Variants in GNAZ observed in about 807,000 individuals in gnomAD.
GNAZ encodes guanine nucleotide-binding protein G(z) subunit alpha.
In GNAZ, 3 loss-of-function variants were observed where a neutral mutation model predicts 25.4. The observed-to-expected ratio is 0.12, with a 90% confidence interval of 0.05 to 0.30. The LOEUF (loss-of-function observed/expected upper bound fraction) is 0.30, where lower values mean the gene tolerates loss of function less well. Ranked by LOEUF, GNAZ falls within the 10% of genes least tolerant of loss-of-function variation. The probability of loss-of-function intolerance (pLI) is 1.00; values close to 1 mark genes in which losing one functional copy is unlikely to be tolerated. For missense variants in GNAZ, 241 were observed against 501.8 expected, an observed-to-expected ratio of 0.48 and a Z score of 4.97; for synonymous variants, 211 against 205.7, an observed-to-expected ratio of 1.03 and a Z score of -0.22.
At chr22:23,106,272 G>A (rs931954521) in intron 2 of GNAZ, among the ~76,000 whole-genome samples, 5 of 152,240 alleles carry the variant, frequency 3.3e-5, no homozygotes, top group Admixed American at 2.0e-4. Flanking sequence ...TGAGGGTAAG[G>A]GGGGTGGCGC....
chr22:23,123,600 T>G lies in GNAZ; in HGVS notation c.*169T>G. On this transcript the variant is annotated 3_prime_UTR_variant, in exon 3 of 3. Transcript: ENST00000615612. ...CCACATTTCTGCAAACATAAATATT[T>G]ACGGATAGATTGCTAGGTAGATAGA... is the stretch of plus-strand genomic sequence containing the variant. The G allele has an allele frequency of 1.7e-6, 1 of 600,970 alleles. No homozygotes were observed. The highest frequency in any genetic ancestry group is 3.0e-6 in the Non-Finnish European group (1 of 337,478). The allele number at this position is 600,970 out of a possible 1,614,324, so 37.2% of individuals were successfully genotyped here.
At chr22:23,102,349 T>C (rs1329541678) in intron 2 of GNAZ, among the ~76,000 whole-genome samples, 1 of 152,308 alleles carries the variant, frequency 6.6e-6, no homozygotes, top group East Asian at 1.9e-4. Context: ...TCCTGGCACC[T>C]ATTTGAGGCC....
At chr22:23,090,714 C>T (rs1008237685) in intron 1 of GNAZ, among the ~76,000 whole-genome samples, 1 of 152,182 alleles carries the variant, frequency 6.6e-6, no homozygotes, top group Admixed American at 6.5e-5. Context: ...GAGGCCAGCC[C>T]CACCCACCTT....
chr22:23,097,912 A>G (rs2266996), intron 2 of GNAZ, among the ~76,000 whole-genome samples: 53,414 of 152,214 alleles, frequency 0.35, 10,332 homozygotes, highest in African/African-American at 0.52. Context: ...TTCCCCGGGC[A>G]CCAGGCCTGG....
At chr22:23,094,689 G>A (rs1220088194) in intron 1 of GNAZ, among the ~76,000 whole-genome samples, 2 of 152,248 alleles carry the variant, frequency 1.3e-5, no homozygotes, top group African/African-American at 4.8e-5. Context: ...CCTATCTGCT[G>A]GCTCCTGGGC....
chr22:23,114,479 C>T (rs926798799), intron 2 of GNAZ, among the ~76,000 whole-genome samples: 1 of 152,196 alleles, frequency 6.6e-6, no homozygotes, highest in African/African-American at 2.4e-5. Flanking sequence ...TCCCCTCAGC[C>T]CCCAGAGGTC....
At position 23,097,297 on chromosome 22, in the gene GNAZ, C is replaced by G. The variant is rs1018316731; in HGVS notation, c.723+879C>G. On this transcript the variant is annotated intron_variant, in intron 2 of 2. Transcript: ENST00000615612. ...GGGAGCACTGGCCTCCGAGGTCACT[C>G]CTTGCTTCACCCAGTCCTAAGGCAA... 4.6e-5 allele frequency among the ~76,000 whole-genome samples: 7 copies of G among 152,312 alleles called. No individual in the cohort carries two copies. In the East Asian group the frequency reaches 1.4e-3, roughly 29 times the overall value.
Position 23,124,196 on chromosome 22 carries a change from T to TTG in GNAZ, c.*766_*767insGT, listed in dbSNP as rs1555937759. The stretch of plus-strand genomic sequence containing the variant: ...CTGGTTTTCCTTCTCTGACATTTTT[T>TTG]TTTTGTTTTGTTTTTTGGTTTTTTT... On this transcript the variant is annotated 3_prime_UTR_variant, in exon 3 of 3. Transcript: ENST00000615612. 2.2e-5 allele frequency: 4 copies of TTG among 180,024 alleles called. No individual in the cohort carries two copies. Among genetic ancestry groups the TTG allele is most frequent in the African/African-American group, 1.4e-4 (4 of 28,292 alleles). The allele number at this position is 180,024 out of a possible 1,614,324, so 11.2% of individuals were successfully genotyped here.
At chr22:23,116,941 T>C (rs980191294) in intron 2 of GNAZ, among the ~76,000 whole-genome samples, 7 of 152,140 alleles carry the variant, frequency 4.6e-5, no homozygotes, top group African/African-American at 1.7e-4. Flanking sequence ...ATGCCTCTGT[T>C]CCCTCTCCCA....
intron 2 of GNAZ, among the ~76,000 whole-genome samples, chr22:23,113,187 T>G (rs1428540669): frequency 1.3e-5 from 2 of 152,310 alleles, no homozygotes; most frequent in African/African-American, 4.8e-5. Context: ...AGCTGAGTGT[T>G]CTGACGTTGG....
intron 1 of GNAZ, among the ~76,000 whole-genome samples, chr22:23,075,381 T>A (rs1425902016): frequency 2.6e-5 from 4 of 152,210 alleles, no homozygotes; most frequent in Admixed American, 2.0e-4. Context: ...TCTTGCCCCT[T>A]GGTCTGTGGA....
intron 2 of GNAZ, among the ~76,000 whole-genome samples, chr22:23,103,304 G>C (rs565593324): frequency 2.0e-5 from 3 of 152,296 alleles, no homozygotes; most frequent in African/African-American, 7.2e-5. Flanking sequence ...CCGCCTCCAT[G>C]CCAGTTGTTA....
chr22:23,116,119 G>A (rs979039879), intron 2 of GNAZ, among the ~76,000 whole-genome samples: 2 of 152,258 alleles, frequency 1.3e-5, no homozygotes, highest in Admixed American at 6.5e-5. Flanking sequence ...CTGTGTGTGC[G>A]TTTGCCTGGG....
chr22:23,114,205 C>T (rs893820645), intron 2 of GNAZ, among the ~76,000 whole-genome samples: 2 of 152,146 alleles, frequency 1.3e-5, no homozygotes, highest in Admixed American at 6.5e-5. Flanking sequence ...GTGAATGGAG[C>T]GCATTCATGT....
intron 1 of GNAZ, among the ~76,000 whole-genome samples, chr22:23,080,230 G>C (rs1278331798): frequency 6.6e-6 from 1 of 152,206 alleles, no homozygotes; most frequent in Middle Eastern, 3.2e-3. Context: ...TCCTGAGTCA[G>C]TGTTCCTCAG....
intron 2 of GNAZ, among the ~76,000 whole-genome samples, chr22:23,100,175 A>C (rs1391943653): frequency 6.6e-6 from 1 of 152,222 alleles, no homozygotes; most frequent in South Asian, 2.1e-4. Context: ...TCCCAGCAGC[A>C]CAGGGAACTG....
intron 2 of GNAZ, among the ~76,000 whole-genome samples, chr22:23,099,147 C>T (rs947478048): frequency 1.3e-5 from 2 of 152,254 alleles, no homozygotes; most frequent in African/African-American, 4.8e-5. Context: ...GAGCCACAGC[C>T]CCCCGGCCCA....
intron 2 of GNAZ, among the ~76,000 whole-genome samples, chr22:23,118,369 A>G (rs1386238473): frequency 6.6e-6 from 1 of 152,232 alleles, no homozygotes; most frequent in African/African-American, 2.4e-5. Context: ...AGAAGGCGCC[A>G]TCTTGCTGGT....
At position 23,095,992 on chromosome 22, in the gene GNAZ, C is replaced by T; in HGVS notation, c.297C>T (p.Asp99=). The change falls in exon 2 of 3, where the codon GAC becomes GAT. Residue 99 remains aspartate (D), a synonymous_variant. Transcript: ENST00000615612. ...AALRIDFHNP[D]RAYDAVQLFA... ...TCAGGATCGACTTCCACAACCCCGA[C>T]CGCGCCTACGACGCTGTGCAGCTCT... 1 of 1,609,692 alleles carries T rather than the reference C, an allele frequency of 6.2e-7. No individual in the cohort carries two copies. Among genetic ancestry groups the T allele is most frequent in the Non-Finnish European group, 8.5e-7 (1 of 1,179,998 alleles).
Sources: gnomAD v4.1 joint callset for allele counts (sites outside exome capture counted in the v4.1 genomes callset) on GRCh38, gnomAD v4.1.1 for gene constraint, MANE v1.5 for transcripts, NCBI Gene and HGNC (gene_info 2026-07-23, HGNC 2026-07-21) for gene names.